The following ROBO1 variants were observed in gnomAD, a reference collection of about 807,000 sequenced individuals.
ROBO1 encodes the protein roundabout guidance receptor 1.
Under a neutral mutation model 195.9 loss-of-function variants are expected in ROBO1, and 149 were observed. The observed-to-expected ratio is 0.76, with a 90% CI of 0.67 to 0.87. The LOEUF (loss-of-function observed/expected upper bound fraction) is 0.87. Ranked by LOEUF, ROBO1 falls within the 40% of genes least tolerant of loss-of-function variation. The pLI, the probability that ROBO1 is intolerant of heterozygous loss-of-function variation, is 0.00. For synonymous variants in ROBO1, 816 were observed against 733.2 expected (o/e 1.11, Z -1.82); for missense variants, 1,933 against 2,068.3 (o/e 0.93, Z 1.27).
At chr3:79,012,520 C>T (rs1231451061) in intron 3 of ROBO1, among the ~76,000 whole-genome samples, 1 of 152,162 alleles carries the variant, frequency 6.6e-6, no homozygotes, top group African/African-American at 2.4e-5. Flanking sequence ...TATTATTTTC[C>T]GGCTCTAAGC....
intron 2 of ROBO1, among the ~76,000 whole-genome samples, chr3:79,284,331 T>G (rs753497189): frequency 2.0e-5 from 3 of 152,134 alleles, no homozygotes; most frequent in Non-Finnish European, 4.4e-5. Flanking sequence ...AAGTATTTCT[T>G]AAGTTTCCTT....
intron 2 of ROBO1, among the ~76,000 whole-genome samples, chr3:79,212,483 CTT>C (rs936639406): frequency 5.9e-5 from 9 of 152,098 alleles, no homozygotes; most frequent in African/African-American, 2.2e-4. Context: ...AACCGACTGT[CTT>C]TTTTAGTGAA....
At chr3:78,791,682 G>A (rs916729356) in intron 4 of ROBO1, among the ~76,000 whole-genome samples, 10 of 152,266 alleles carry the variant, frequency 6.6e-5, no homozygotes, top group African/African-American at 2.4e-4. Context: ...GTGCTATTGA[G>A]CTTGTCACTT....
chr3:78,764,184 T>A (rs1001856489), intron 4 of ROBO1, among the ~76,000 whole-genome samples: 1 of 152,210 alleles, frequency 6.6e-6, no homozygotes, highest in Admixed American at 6.6e-5. Context: ...CAACTTAGTC[T>A]ATATTCTATC....
chr3:79,648,887 G>T (rs1300371295), intron 1 of ROBO1, among the ~76,000 whole-genome samples: 1 of 151,956 alleles, frequency 6.6e-6, no homozygotes, highest in South Asian at 2.1e-4. Flanking sequence ...TTTCTCAATG[G>T]CCATATTAGA....
intron 2 of ROBO1, among the ~76,000 whole-genome samples, chr3:79,258,878 C>T (rs1257008549): frequency 6.6e-6 from 1 of 151,860 alleles, no homozygotes; most frequent in Non-Finnish European, 1.5e-5. Flanking sequence ...TAGGCTATTG[C>T]CTAGAAATCC....
At chr3:79,238,464 T>C (rs1467544641) in intron 2 of ROBO1, among the ~76,000 whole-genome samples, 2 of 152,220 alleles carry the variant, frequency 1.3e-5, no homozygotes, top group African/African-American at 2.4e-5. Context: ...TAATCTTTTA[T>C]ATGGCAAGGT....
At chr3:79,470,009 T>A (rs980014998) in intron 2 of ROBO1, among the ~76,000 whole-genome samples, 2 of 152,236 alleles carry the variant, frequency 1.3e-5, no homozygotes, top group East Asian at 1.9e-4. Flanking sequence ...TTAAATATAT[T>A]TTTTTAATTA....
chr3:79,013,780 G>A (rs1281017474), intron 3 of ROBO1, among the ~76,000 whole-genome samples: 1 of 152,120 alleles, frequency 6.6e-6, no homozygotes, highest in Non-Finnish European at 1.5e-5. Flanking sequence ...ATTTTTATGA[G>A]CATTAAATAA....
intron 29 of ROBO1, among the ~76,000 whole-genome samples, chr3:78,604,736 A>T (rs950146873): frequency 4.6e-5 from 7 of 152,120 alleles, no homozygotes; most frequent in Non-Finnish European, 1.0e-4. Context: ...TAATGACCAG[A>T]TGTCCATAAT....
At chr3:79,341,393 T>A (rs2034899212) in intron 2 of ROBO1, among the ~76,000 whole-genome samples, 1 of 152,220 alleles carries the variant, frequency 6.6e-6, no homozygotes. Context: ...GAGGCTTCAC[T>A]TTTTTATGTC....
chr3:79,580,808 T>C (rs953235235), intron 2 of ROBO1, among the ~76,000 whole-genome samples: 1 of 152,160 alleles, frequency 6.6e-6, no homozygotes, highest in African/African-American at 2.4e-5. Flanking sequence ...GAAGGCCAGT[T>C]ACAATACGTT....
rs79737109 is a variant in ROBO1, at chr3:79,216,062, C to A, written c.89-90523G>T. 3.7e-4 allele frequency among the ~76,000 whole-genome samples: 56 copies of A among 152,110 alleles called. 1 individual carries two copies. In the East Asian group the frequency reaches 9.5e-3, roughly 26 times the overall value. On this transcript the variant is annotated intron_variant, in intron 2 of 30. Coordinates refer to ENST00000464233, the MANE Select transcript of ROBO1 (RefSeq NM_002941.4). The stretch of plus-strand genomic sequence containing the variant: ...TATCCTATACCTCGTCAGGCAAAGA[C>A]CTCATCACAAATTCTCCTTTAGGTA...
At chr3:78,899,731 C>A (rs1243057698) in intron 4 of ROBO1, among the ~76,000 whole-genome samples, 3 of 151,960 alleles carry the variant, frequency 2.0e-5, no homozygotes, top group African/African-American at 7.3e-5. Flanking sequence ...GATTTTTAAT[C>A]ACTATTTCTC....
chr3:78,797,559 A>G (rs1242041641), intron 4 of ROBO1, among the ~76,000 whole-genome samples: 1 of 152,190 alleles, frequency 6.6e-6, no homozygotes, highest in Non-Finnish European at 1.5e-5. Flanking sequence ...AAGACCAAGT[A>G]TGTCCCAAGA....
intron 10 of ROBO1, among the ~76,000 whole-genome samples, chr3:78,680,562 G>A (rs1175687268): frequency 2.0e-5 from 3 of 151,916 alleles, no homozygotes; most frequent in Non-Finnish European, 4.4e-5. Context: ...CATTTATGCA[G>A]CCAAACAACA....
intron 2 of ROBO1, among the ~76,000 whole-genome samples, chr3:79,303,363 G>A (rs1023504445): frequency 9.2e-5 from 14 of 151,736 alleles, no homozygotes; most frequent in African/African-American, 2.4e-4. Context: ...ACGGGGTTTC[G>A]CCACGTTGGC....
At chr3:78,752,327 A>AGCTGTGCTATAACTCTTGTATCTTCCTT (rs2082817768) in intron 4 of ROBO1, among the ~76,000 whole-genome samples, 1 of 152,176 alleles carries the variant, frequency 6.6e-6, no homozygotes, top group African/African-American at 2.4e-5. Flanking sequence ...TGTGTCTGGC[A>AGCTGTGCTATAACTCTTGTATCTTCCTT]GCTGTGCTAT....
chr3:79,028,517 G>A (rs1210502369), intron 3 of ROBO1, among the ~76,000 whole-genome samples: 1 of 151,914 alleles, frequency 6.6e-6, no homozygotes, highest in African/African-American at 2.4e-5. Flanking sequence ...CTGTGAAGGT[G>A]TGCATAATCT....
Sources: allele counts gnomAD v4.1 joint callset (sites outside exome capture counted in the v4.1 genomes callset), GRCh38; gene constraint gnomAD v4.1.1; transcripts MANE v1.5; gene names NCBI Gene and HGNC (gene_info 2026-07-23, HGNC 2026-07-21).